Variants in PDE3A observed in about 807,000 individuals in gnomAD.
PDE3A encodes phosphodiesterase 3A, also known as cGMP-inhibited 3',5'-cyclic phosphodiesterase 3A.
Under a neutral mutation model 98.3 loss-of-function variants are expected in PDE3A, and 43 were observed. The ratio of observed to expected loss-of-function variants is 0.44; its 90% confidence interval spans 0.34 to 0.56. The LOEUF is 0.56. PDE3A is among the 20% of genes least tolerant of loss of function. PDE3A has a pLI of 0.01. For missense variants in PDE3A, 1,427 were observed against 1,440.7 expected (o/e 0.99, Z 0.15); for synonymous variants, 663 against 567.9 (o/e 1.17, Z -2.38).
At chr12:20,554,060 G>A (rs886576809) in intron 1 of PDE3A, among the ~76,000 whole-genome samples, 17 of 151,190 alleles carry the variant, frequency 1.1e-4, no homozygotes, top group African/African-American at 4.1e-4. Flanking sequence ...TATGTACCAA[G>A]AAAGATATAA....
chr12:20,648,036 A>T (rs943601792), intron 12 of PDE3A, among the ~76,000 whole-genome samples: 4 of 151,718 alleles, frequency 2.6e-5, no homozygotes, highest in African/African-American at 4.8e-5. Context: ...AAATTCTCTA[A>T]TAAAACTTCT....
chr12:20,434,485 T>C (rs1591928112), intron 1 of PDE3A, among the ~76,000 whole-genome samples: 1 of 152,160 alleles, frequency 6.6e-6, no homozygotes, highest in African/African-American at 2.4e-5. Flanking sequence ...TTTTAGTAAC[T>C]CCTAGACCTG....
In PDE3A at chr12:20,463,860, T is replaced by C. The variant is rs529261599; in HGVS notation, c.961-92800T>C. Among the ~76,000 whole-genome samples the C allele has an allele frequency of 2.6e-3, 399 of 152,294 alleles. 1 individual carries two copies. The highest frequency in any genetic ancestry group is 0.01 in the Middle Eastern group (3 of 294). On this transcript the variant is annotated intron_variant, in intron 1 of 15. Coordinates refer to ENST00000359062, the MANE Select transcript of PDE3A (RefSeq NM_000921.5). Reference sequence around the variant, plus strand: ...ATAGTTCCTTTGTTTTGTGTCTGTGTGTTTGTGTGTATATGTATTGTATAT... The same window carrying C: ...ATAGTTCCTTTGTTTTGTGTCTGTGCGTTTGTGTGTATATGTATTGTATAT...
intron 2 of PDE3A, among the ~76,000 whole-genome samples, chr12:20,579,550 A>C (rs1943017415): frequency 2.0e-5 from 3 of 152,108 alleles, no homozygotes; most frequent in Non-Finnish European, 4.4e-5. Context: ...TAGGTCCTTC[A>C]TCTACCTTCG....
Position 20,369,577 on chromosome 12 carries a change from C to T in PDE3A, c.293C>T (p.Ala98Val). Residue 98 changes from alanine (A) to valine (V), a missense_variant, in exon 1 of 16, where the codon GCG becomes GTG. Transcript: ENST00000359062. ...GAGCAGTGTAAGGAGGCGGCGGCGG[C>T]GGAGGAGGAGGAAGCAGCCCCGGGA... ...DLEQCKEAAA[A>V]EEEEAAPGAE... The T allele has an allele frequency of 1.3e-6, 2 of 1,549,498 alleles. No individual in the cohort carries two copies. The highest frequency in any genetic ancestry group is 1.4e-5 in the African/African-American group (1 of 73,404).
At chr12:20,506,107 T>G (rs941841333) in intron 1 of PDE3A, among the ~76,000 whole-genome samples, 1 of 147,350 alleles carries the variant, frequency 6.8e-6, no homozygotes, top group African/African-American at 2.6e-5. Flanking sequence ...AAGGTGTGTG[T>G]GTGTGTGTGT....
chr12:20,598,128 G>C (rs1415986605), intron 2 of PDE3A, among the ~76,000 whole-genome samples: 1 of 151,690 alleles, frequency 6.6e-6, no homozygotes, highest in African/African-American at 2.4e-5. Context: ...TGGAATCCTT[G>C]ATTAGTTGTA....
chr12:20,586,292 TTTAAAG>T (rs1436639012), intron 2 of PDE3A, among the ~76,000 whole-genome samples: 1 of 152,214 alleles, frequency 6.6e-6, no homozygotes, highest in Admixed American at 6.5e-5. Flanking sequence ...CACCCTCCCC[TTTAAAG>T]TTAGTCTGAG....
At chr12:20,409,395 AGC>A (rs1944293268) in intron 1 of PDE3A, among the ~76,000 whole-genome samples, 1 of 152,156 alleles carries the variant, frequency 6.6e-6, no homozygotes. Context: ...TGTTATTATT[AGC>A]TCTCTTATTT....
chr12:20,426,857 A>G (rs78203895), intron 1 of PDE3A, among the ~76,000 whole-genome samples: 2,245 of 152,270 alleles, frequency 0.015, 58 homozygotes, highest in African/African-American at 0.05. Context: ...TTTTGCATTC[A>G]TATCCTCATT....
intron 1 of PDE3A, among the ~76,000 whole-genome samples, chr12:20,448,022 T>A (rs988907812): frequency 1.4e-4 from 22 of 152,194 alleles, no homozygotes; most frequent in African/African-American, 4.8e-4. Context: ...TCCTACATTC[T>A]CTTACACTAA....
At chr12:20,405,189 T>A (rs999771404) in intron 1 of PDE3A, among the ~76,000 whole-genome samples, 2 of 152,142 alleles carry the variant, frequency 1.3e-5, no homozygotes, top group African/African-American at 2.4e-5. Context: ...CAGCAGTTTT[T>A]CTCTATCTTT....
chr12:20,384,289 G>A (rs1016605336), intron 1 of PDE3A, among the ~76,000 whole-genome samples: 1 of 151,354 alleles, frequency 6.6e-6, no homozygotes, highest in Non-Finnish European at 1.5e-5. Flanking sequence ...TGCTTACATG[G>A]AAATAAATTC....
At chr12:20,569,230 A>C (rs1942735479) in intron 2 of PDE3A, among the ~76,000 whole-genome samples, 1 of 152,104 alleles carries the variant, frequency 6.6e-6, no homozygotes, top group Non-Finnish European at 1.5e-5. Context: ...TATGATGGTC[A>C]CCAGATTAAC....
intron 1 of PDE3A, among the ~76,000 whole-genome samples, chr12:20,442,148 C>T (rs907600776): frequency 1.2e-4 from 18 of 152,032 alleles, no homozygotes; most frequent in African/African-American, 3.9e-4. Context: ...AGTTCTACAC[C>T]AAAATGGAAT....
intron 1 of PDE3A, among the ~76,000 whole-genome samples, chr12:20,525,572 A>C (rs1038534370): frequency 2.6e-5 from 4 of 152,140 alleles, no homozygotes; most frequent in Admixed American, 2.6e-4. Flanking sequence ...GTTTTGAACA[A>C]AGACCCTTTA....
intron 5 of PDE3A, 123 bp from the exon 6 acceptor site, chr12:20,629,785 C>T (rs1361974406): frequency 4.2e-6 from 3 of 714,312 alleles, no homozygotes; most frequent in Admixed American, 4.3e-5. Context: ...AGGAGGCCAG[C>T]CCGGTGACCT....
At chr12:20,523,693 A>C (rs1360382726) in intron 1 of PDE3A, among the ~76,000 whole-genome samples, 7 of 152,192 alleles carry the variant, frequency 4.6e-5, no homozygotes, top group Non-Finnish European at 7.3e-5. Flanking sequence ...GAAATTTATA[A>C]TTTCTTAACG....
intron 2 of PDE3A, among the ~76,000 whole-genome samples, chr12:20,562,843 A>G (rs1391975304): frequency 6.6e-6 from 1 of 152,198 alleles, no homozygotes; most frequent in Non-Finnish European, 1.5e-5. Context: ...CTTTCTTTAG[A>G]TAATAAAATT....
Sources: allele counts gnomAD v4.1 joint callset (sites outside exome capture counted in the v4.1 genomes callset), GRCh38; gene constraint gnomAD v4.1.1; transcripts MANE v1.5; gene names NCBI Gene and HGNC (gene_info 2026-07-23, HGNC 2026-07-21).